The following GABRA4 variants were observed in gnomAD, a reference collection of about 807,000 sequenced individuals.
The protein encoded by GABRA4 is gamma-aminobutyric acid receptor subunit alpha-4.
GABRA4 carries 12 observed loss-of-function variants against 49.7 expected under a neutral mutation model. The observed-to-expected ratio is 0.24, with a 90% CI of 0.15 to 0.39. The LOEUF (loss-of-function observed/expected upper bound fraction) is 0.39, where lower values mean the gene tolerates loss of function less well. Among genes scored for constraint, GABRA4 ranks in the 10% least tolerant of loss-of-function variants. The pLI is 1.00. For synonymous variants in GABRA4, 288 were observed against 240.2 expected, an observed-to-expected ratio of 1.20 and a Z score of -1.84; for missense variants, 506 against 686.0, an observed-to-expected ratio of 0.74 and a Z score of 2.93.
intron 2 of GABRA4, among the ~76,000 whole-genome samples, 198 bp from the exon 3 acceptor site, chr4:46,979,296 C>G (rs1723266399): frequency 6.6e-6 from 1 of 152,060 alleles, no homozygotes; most frequent in South Asian, 2.1e-4. Context: ...TGTTTACTTA[C>G]AGGCAAAAAG....
intron 8 of GABRA4, among the ~76,000 whole-genome samples, chr4:46,947,983 G>A (rs758546379): frequency 6.6e-6 from 1 of 152,132 alleles, no homozygotes; most frequent in Non-Finnish European, 1.5e-5. Flanking sequence ...TGGCAGTTGA[G>A]GCTGGGGCTG....
At chr4:46,954,151 T>C (rs1478678884) in intron 8 of GABRA4, among the ~76,000 whole-genome samples, 1 of 151,676 alleles carries the variant, frequency 6.6e-6, no homozygotes, top group Non-Finnish European at 1.5e-5. Flanking sequence ...ATTTCTGCTG[T>C]AGAGGTGAGT....
At chr4:46,962,946 A>T (rs1722630385) in intron 8 of GABRA4, among the ~76,000 whole-genome samples, 1 of 151,838 alleles carries the variant, frequency 6.6e-6, no homozygotes, top group Non-Finnish European at 1.5e-5. Context: ...TGCCATATAC[A>T]AGAATCAAAT....
At chr4:46,988,909 C>T (rs2109409248) in intron 2 of GABRA4, among the ~76,000 whole-genome samples, 1 of 152,296 alleles carries the variant, frequency 6.6e-6, no homozygotes, top group Middle Eastern at 3.4e-3. Context: ...ATGGTCAATT[C>T]ATTGGAAATT....
intron 2 of GABRA4, among the ~76,000 whole-genome samples, chr4:46,987,209 CACTACAGGGA>C (rs1316876953): frequency 6.6e-6 from 1 of 151,124 alleles, no homozygotes; most frequent in Non-Finnish European, 1.5e-5. Flanking sequence ...TGCTAAACTT[CACTACAGGGA>C]CCCTGACTTC....
In GABRA4 at chr4:46,975,402, A is replaced by C. The variant is rs1723104783; in HGVS notation, c.578-1027T>G. 2.0e-5 allele frequency among the ~76,000 whole-genome samples: 3 copies of C among 151,968 alleles called. No individual in the cohort carries two copies. The South Asian group carries it at 6.2e-4, about 31-fold the overall frequency. ...TAAACTGTTACAGCCTCTGTATACT[A>C]TGTTCTTGTCTATGATATTGCAAAT... On this transcript the variant is annotated intron_variant, in intron 5 of 8. Coordinates refer to ENST00000264318, the MANE Select transcript of GABRA4 (RefSeq NM_000809.4).
At chr4:46,991,016 C>CA (rs572037002) in intron 2 of GABRA4, among the ~76,000 whole-genome samples, 306 of 152,004 alleles carry the variant, frequency 2.0e-3, no homozygotes, top group Admixed American at 3.8e-3. Flanking sequence ...CCATCTCTAC[C>CA]AAAAAATATA....
chr4:46,932,966 G>A (rs1430641305), intron 8 of GABRA4, among the ~76,000 whole-genome samples: 5 of 151,944 alleles, frequency 3.3e-5, no homozygotes, highest in African/African-American at 4.8e-5. Flanking sequence ...TATAAATATC[G>A]AAGAAATAAA....
At chr4:46,935,882 T>C (rs1453072954) in intron 8 of GABRA4, among the ~76,000 whole-genome samples, 1 of 152,098 alleles carries the variant, frequency 6.6e-6, no homozygotes, top group Non-Finnish European at 1.5e-5. Flanking sequence ...ATGTTGCTGG[T>C]GACAATGAGA....
chr4:46,981,136 T>G (rs1375598548), intron 2 of GABRA4, among the ~76,000 whole-genome samples: 1 of 152,102 alleles, frequency 6.6e-6, no homozygotes, highest in Non-Finnish European at 1.5e-5. Context: ...TAGCTGAGGC[T>G]GTTCACTTTA....
chr4:46,974,585 C>T (rs891350392), intron 5 of GABRA4, among the ~76,000 whole-genome samples: 6 of 151,908 alleles, frequency 3.9e-5, no homozygotes, highest in Non-Finnish European at 8.8e-5. Context: ...ACCCCTGCAA[C>T]TCAACAGTAT....
At chr4:46,955,398 C>G (rs1443449287) in intron 8 of GABRA4, among the ~76,000 whole-genome samples, 2 of 151,976 alleles carry the variant, frequency 1.3e-5, no homozygotes, top group African/African-American at 2.4e-5. Context: ...CCAATGATTA[C>G]CAAAATATGC....
intron 7 of GABRA4, among the ~76,000 whole-genome samples, chr4:46,969,101 G>A (rs1722861823): frequency 6.6e-6 from 1 of 151,574 alleles, no homozygotes; most frequent in Admixed American, 6.6e-5. Context: ...GCTGGCAAAT[G>A]TAACTTATTG....
At chr4:46,929,115 C>T (rs527580524) in intron 8 of GABRA4, among the ~76,000 whole-genome samples, 1 of 151,936 alleles carries the variant, frequency 6.6e-6, no homozygotes, top group South Asian at 2.1e-4. Flanking sequence ...AGCTTTATTG[C>T]AAATAATATT....
chr4:46,961,746 C>A (rs1722584342), intron 8 of GABRA4, among the ~76,000 whole-genome samples: 1 of 151,534 alleles, frequency 6.6e-6, no homozygotes, highest in South Asian at 2.1e-4. Flanking sequence ...ATTTAAGTGA[C>A]CACAGGCATT....
chr4:46,988,471 T>C (rs1219686397), intron 2 of GABRA4, among the ~76,000 whole-genome samples: 1 of 152,212 alleles, frequency 6.6e-6, no homozygotes, highest in Admixed American at 6.5e-5. Flanking sequence ...TTTTTGTCTA[T>C]GTATTTTTAA....
intron 8 of GABRA4, among the ~76,000 whole-genome samples, chr4:46,959,473 T>G (rs1722487780): frequency 1.3e-5 from 2 of 151,960 alleles, no homozygotes; most frequent in Non-Finnish European, 2.9e-5. Context: ...CCAAATTTGA[T>G]CTTCTTGACC....
In GABRA4 at chr4:46,945,586, C is replaced by T. The variant is rs190505041; in HGVS notation, c.1135-16831G>A. Among the ~76,000 whole-genome samples the T allele has an allele frequency of 3.9e-5, 6 of 152,234 alleles. No homozygotes were observed. The East Asian group carries it at 1.2e-3, about 29-fold the overall frequency. ...ACAGCTTTTCTGTACAGCTGCAATG[C>T]TATTTAAATCTTCCATGAATATCTC... On this transcript the variant is annotated intron_variant, in intron 8 of 8. Transcript: ENST00000264318.
At chr4:46,989,370 G>C (rs1257961707) in intron 2 of GABRA4, among the ~76,000 whole-genome samples, 2 of 152,190 alleles carry the variant, frequency 1.3e-5, no homozygotes, top group Non-Finnish European at 1.5e-5. Context: ...GTCTAGACAG[G>C]TGCAAGCTAC....
Sources: gnomAD v4.1 joint callset for allele counts (sites outside exome capture counted in the v4.1 genomes callset) on GRCh38, gnomAD v4.1.1 for gene constraint, MANE v1.5 for transcripts, NCBI Gene and HGNC (gene_info 2026-07-23, HGNC 2026-07-21) for gene names.